Variants in ZDHHC15 observed in about 807,000 individuals in gnomAD.
ZDHHC15 encodes zDHHC palmitoyltransferase 15, also known as palmitoyltransferase ZDHHC15.
Under a neutral mutation model 31.7 loss-of-function variants are expected in ZDHHC15, and 19 were observed. The observed-to-expected ratio is 0.60, with a 90% CI of 0.42 to 0.88. The LOEUF (loss-of-function observed/expected upper bound fraction) is 0.88, where lower values mean the gene tolerates loss of function less well. Among genes scored for constraint, ZDHHC15 ranks in the 40% least tolerant of loss-of-function variants. The probability of loss-of-function intolerance (pLI) is 0.00; values close to 1 mark genes in which losing one functional copy is unlikely to be tolerated. For synonymous variants in ZDHHC15, 103 were observed against 90.0 expected, an observed-to-expected ratio of 1.14 and a Z score of -0.82; for missense variants, 209 against 251.2, an observed-to-expected ratio of 0.83 and a Z score of 1.14.
At chrX:75,454,842 A>G (rs1486493749) in intron 3 of ZDHHC15, among the ~76,000 whole-genome samples, 1 of 111,755 alleles carries the variant, frequency 8.9e-6, no homozygotes, top group African/African-American at 3.3e-5. Flanking sequence ...GGAGAACTAC[A>G]AACCACTGCT....
intron 9 of ZDHHC15, among the ~76,000 whole-genome samples, chrX:75,419,295 G>T (rs1428747509): frequency 8.9e-6 from 1 of 111,781 alleles, no homozygotes; most frequent in Non-Finnish European, 1.9e-5. Flanking sequence ...CGAAGGATAT[G>T]AACAGACACT....
In ZDHHC15 at chrX:75,384,430, A is replaced by T. The variant is rs1207759033; in HGVS notation, c.968-5232T>A. On this transcript the variant is annotated intron_variant, in intron 10 of 11. Coordinates refer to ENST00000373367, the MANE Select transcript of ZDHHC15 (RefSeq NM_144969.3). ...AAAACATGGAGTTGTTCCTTTGGCC[A>T]CGTATATGCAAATCTATAAGAAAGG... 6 of 935,273 alleles carry T rather than the reference A, an allele frequency of 6.4e-6. No homozygotes were observed. In the East Asian group the frequency reaches 1.5e-4, roughly 24 times the overall value. The allele number at this position is 935,273 out of a possible 1,213,427, so 77.1% of individuals were successfully genotyped here. A position where few individuals can be genotyped will look rare whatever the true frequency, so the allele number is the denominator to read the frequency against.
chrX:75,456,477 A>G (rs2084224434), intron 3 of ZDHHC15, among the ~76,000 whole-genome samples: 1 of 110,997 alleles, frequency 9.0e-6, no homozygotes, highest in South Asian at 3.9e-4. Flanking sequence ...CGTTGTGAAA[A>G]TGTACCCTAG....
At chrX:75,503,494 C>A (rs778678896) in intron 2 of ZDHHC15, among the ~76,000 whole-genome samples, 6 of 110,827 alleles carry the variant, frequency 5.4e-5, no homozygotes, top group South Asian at 3.8e-4. Flanking sequence ...ATGTGTCAGG[C>A]ACTATACCAA....
intron 10 of ZDHHC15, chrX:75,384,921 C>T (rs2083164172): frequency 2.2e-6 from 1 of 458,004 alleles, no homozygotes; most frequent in Admixed American, 3.5e-5. Flanking sequence ...ATCATTGGCA[C>T]TATCTACTAT....
intron 2 of ZDHHC15, among the ~76,000 whole-genome samples, chrX:75,496,358 A>G (rs1051282174): frequency 8.9e-6 from 1 of 111,781 alleles, no homozygotes; most frequent in African/African-American, 3.3e-5. Context: ...TTATGAAACA[A>G]TAACTATTAG....
chrX:75,497,671 A>G (rs1178731392), intron 2 of ZDHHC15, among the ~76,000 whole-genome samples: 1 of 112,067 alleles, frequency 8.9e-6, no homozygotes, highest in African/African-American at 3.2e-5. Context: ...GGCTAGTTTA[A>G]CATACGCAAG....
chrX:75,444,244 T>A (rs1358411228), intron 4 of ZDHHC15, among the ~76,000 whole-genome samples: 1 of 109,402 alleles, frequency 9.1e-6, no homozygotes, highest in Non-Finnish European at 1.9e-5. Context: ...ATAGACTGGA[T>A]TAAGAAAATG....
In ZDHHC15 at chrX:75,421,851, A is replaced by T; in HGVS notation, c.863+13T>A. ...TCCAGTACTAACTTCTTCCAGTGGT[A>T]ATATTTACTCACCTGGAACCAATAG... On this transcript the variant is annotated intron_variant, in intron 9 of 11. Coordinates refer to ENST00000373367, the MANE Select transcript of ZDHHC15 (RefSeq NM_144969.3). 8.3e-7 allele frequency: 1 copy of T among 1,205,958 alleles called. No individual in the cohort carries two copies. The highest frequency in any genetic ancestry group is 1.1e-6 in the Non-Finnish European group (1 of 892,834).
intron 1 of ZDHHC15, among the ~76,000 whole-genome samples, chrX:75,508,933 C>G (rs1226353090): frequency 1.8e-5 from 2 of 111,440 alleles, no homozygotes; most frequent in Non-Finnish European, 3.8e-5. Flanking sequence ...CTTTTGGCTG[C>G]ATAAATGTCT....
chrX:75,435,911 G>A (rs1366184850), intron 4 of ZDHHC15, among the ~76,000 whole-genome samples: 1 of 111,918 alleles, frequency 8.9e-6, no homozygotes, highest in Non-Finnish European at 1.9e-5. Context: ...AGTTTCAGTA[G>A]GAGTGGTACC....
rs938171042 is a variant in ZDHHC15, at chrX:75,371,697, T to C, written c.*1281A>G. 9.0e-6 allele frequency: 1 copy of C among 111,697 alleles called. No homozygotes were observed. Among genetic ancestry groups the C allele is most frequent in the African/African-American group, 3.3e-5 (1 of 30,751 alleles). The allele number at this position is 111,697 out of a possible 1,213,427, so 9.2% of individuals were successfully genotyped here. On this transcript the variant is annotated 3_prime_UTR_variant, in exon 12 of 12. Transcript: ENST00000373367. ...ATCTCTAAAAGAGTTGGAGCTTTTA[T>C]TGTCAGCAGCTGGGCACTAGACTGC...
intron 11 of ZDHHC15, 86 bp downstream of exon 11, chrX:75,379,034 G>T: frequency 1.4e-6 from 1 of 718,580 alleles, no homozygotes; most frequent in Non-Finnish European, 2.1e-6. Context: ...CCCAGGATAA[G>T]AACTTATTTC....
chrX:75,497,784 T>C (rs113951561), intron 2 of ZDHHC15, among the ~76,000 whole-genome samples: 1 of 111,268 alleles, frequency 9.0e-6, no homozygotes, highest in African/African-American at 3.3e-5. Context: ...CATCCCTTTA[T>C]GATTAAAACC....
chrX:75,513,722 T>G (rs73494482), intron 1 of ZDHHC15, among the ~76,000 whole-genome samples: 1 of 111,520 alleles, frequency 9.0e-6, no homozygotes, highest in South Asian at 3.7e-4. Context: ...AAAAACTTCA[T>G]ACATTTGGTA....
At chrX:75,484,041 A>AT (rs955576513) in intron 2 of ZDHHC15, among the ~76,000 whole-genome samples, 1 of 111,998 alleles carries the variant, frequency 8.9e-6, no homozygotes, top group Non-Finnish European at 1.9e-5. Context: ...AATTTCACAC[A>AT]TTTTCAGAGT....
At chrX:75,490,999 G>C (rs1022762732) in intron 2 of ZDHHC15, among the ~76,000 whole-genome samples, 1 of 111,709 alleles carries the variant, frequency 9.0e-6, no homozygotes. Context: ...AGGATGTGGA[G>C]AAATAGGAAC....
intron 10 of ZDHHC15, among the ~76,000 whole-genome samples, chrX:75,406,349 A>G (rs919125271): frequency 9.0e-6 from 1 of 111,662 alleles, no homozygotes. Flanking sequence ...AATAAATATC[A>G]GATCAGAAAC....
At chrX:75,481,573 G>C (rs897940535) in intron 2 of ZDHHC15, among the ~76,000 whole-genome samples, 1 of 111,769 alleles carries the variant, frequency 8.9e-6, no homozygotes, top group Non-Finnish European at 1.9e-5. Context: ...TGACTAAGTC[G>C]AGGTTATTCT....
Sources: gnomAD v4.1 joint callset for allele counts (sites outside exome capture counted in the v4.1 genomes callset) on GRCh38, gnomAD v4.1.1 for gene constraint, MANE v1.5 for transcripts, NCBI Gene and HGNC (gene_info 2026-07-23, HGNC 2026-07-21) for gene names.